Variants in LRP1B observed in about 807,000 individuals in gnomAD.
LRP1B encodes LDL receptor related protein 1B.
Under a neutral mutation model 556.6 loss-of-function variants are expected in LRP1B, and 217 were observed. The observed-to-expected ratio is 0.39, with a 90% CI of 0.35 to 0.44. LRP1B has a LOEUF of 0.44. LRP1B is among the 20% of genes least tolerant of loss of function. LRP1B has a pLI of 1.00. For missense variants in LRP1B, 5,053 were observed against 5,620.8 expected, an observed-to-expected ratio of 0.90 and a Z score of 3.23; for synonymous variants, 2,047 against 1,865.8, an observed-to-expected ratio of 1.10 and a Z score of -2.50.
At chr2:140,415,606 C>G (rs892177520) in intron 66 of LRP1B, among the ~76,000 whole-genome samples, 1 of 152,110 alleles carries the variant, frequency 6.6e-6, no homozygotes, top group Admixed American at 6.5e-5. Flanking sequence ...TGGGTTCCCC[C>G]AATATATGGG....
In LRP1B at chr2:141,049,077, T is replaced by C. The variant is rs1203157756; in HGVS notation, c.1698A>G (p.Glu566=). 6 of 1,613,650 alleles carry C rather than the reference T, an allele frequency of 3.7e-6. No homozygotes were observed. In the Admixed American group the frequency reaches 1.0e-4, roughly 27 times the overall value. The change falls in exon 11 of 91, where the codon GAA becomes GAG. Residue 566 remains glutamate (E), a synonymous_variant. Transcript: ENST00000389484. The part of the protein sequence containing the change: ...VNPRALDFHA[E]TNYIYFADTT... ...TGTCAGCAAAGTAGATGTAATTGGT[T>C]TCTGCGTGAAAGTCTAAAGCACGAG...
chr2:141,631,554 A>G (rs1425342806), intron 2 of LRP1B, among the ~76,000 whole-genome samples: 2 of 151,678 alleles, frequency 1.3e-5, no homozygotes, highest in Non-Finnish European at 2.9e-5. Flanking sequence ...AAAAAAAAAA[A>G]AAAAGGGGAA....
At chr2:141,410,246 G>A (rs1033543012) in intron 3 of LRP1B, among the ~76,000 whole-genome samples, 9 of 151,982 alleles carry the variant, frequency 5.9e-5, no homozygotes, top group Non-Finnish European at 1.3e-4. Context: ...CCATTGTAGG[G>A]CACAATCCTA....
intron 2 of LRP1B, among the ~76,000 whole-genome samples, chr2:141,686,473 A>G (rs1691307631): frequency 6.6e-6 from 1 of 151,962 alleles, no homozygotes; most frequent in African/African-American, 2.4e-5. Flanking sequence ...ATATATTATT[A>G]TAATTGTTTT....
intron 7 of LRP1B, among the ~76,000 whole-genome samples, chr2:141,173,280 C>G (rs1191053786): frequency 6.6e-6 from 1 of 152,066 alleles, no homozygotes; most frequent in African/African-American, 2.4e-5. Context: ...GCACATCCCA[C>G]AGCAAACATT....
chr2:141,721,065 G>C (rs374422332), intron 2 of LRP1B, among the ~76,000 whole-genome samples: 1 of 152,012 alleles, frequency 6.6e-6, no homozygotes, highest in African/African-American at 2.4e-5. Context: ...TGATAAAACT[G>C]TAACAAACCT....
chr2:141,422,322 AGAG>A (rs1276409526), intron 3 of LRP1B, among the ~76,000 whole-genome samples: 1 of 152,202 alleles, frequency 6.6e-6, no homozygotes, highest in African/African-American at 2.4e-5. Flanking sequence ...TGAATAAAGA[AGAG>A]GAGATGTAAA....
chr2:141,359,692 G>A (rs560347232), intron 3 of LRP1B, among the ~76,000 whole-genome samples: 2 of 152,302 alleles, frequency 1.3e-5, no homozygotes, highest in African/African-American at 4.8e-5. Flanking sequence ...GGCAGCAGAT[G>A]TGACAGTGGG....
rs1313378077 is a variant in LRP1B at position 140,464,205 on chromosome 2, A to G, written c.9626-6554T>C. On this transcript the variant is annotated intron_variant, in intron 60 of 90. Coordinates refer to ENST00000389484, the MANE Select transcript of LRP1B (RefSeq NM_018557.3). ...AGCAAGACTTGTCTCAAATAATAAT[A>G]ATAATAATAATAAATAAAATAAAAA... Among the ~76,000 whole-genome samples, 8 of 151,654 alleles carry G rather than the reference A, an allele frequency of 5.3e-5. 1 individual carries two copies. In the South Asian group the frequency reaches 1.0e-3, roughly 20 times the overall value.
intron 1 of LRP1B, among the ~76,000 whole-genome samples, chr2:142,005,608 A>G (rs1702776074): frequency 1.3e-5 from 2 of 152,214 alleles, no homozygotes; most frequent in Admixed American, 1.3e-4. Flanking sequence ...GTAATGATGA[A>G]TAAAAGAAAA....
At chr2:140,318,199 C>A (rs896414483) in intron 82 of LRP1B, among the ~76,000 whole-genome samples, 1 of 152,092 alleles carries the variant, frequency 6.6e-6, no homozygotes, top group South Asian at 2.1e-4. Flanking sequence ...CATTTATCTT[C>A]AGCAATCAAT....
chr2:140,920,069 G>C (rs1411182249), intron 21 of LRP1B, among the ~76,000 whole-genome samples: 1 of 152,080 alleles, frequency 6.6e-6, no homozygotes, highest in South Asian at 2.1e-4. Flanking sequence ...CAAGTAGCTG[G>C]AGGGCCTATT....
intron 1 of LRP1B, among the ~76,000 whole-genome samples, chr2:141,861,243 A>G (rs1366944487): frequency 6.6e-6 from 1 of 152,046 alleles, no homozygotes; most frequent in Non-Finnish European, 1.5e-5. Flanking sequence ...ATGTCCCCTC[A>G]ATCCTCTCTT....
chr2:141,712,371 C>A (rs894743313), intron 2 of LRP1B, among the ~76,000 whole-genome samples: 1 of 148,674 alleles, frequency 6.7e-6, no homozygotes, highest in Non-Finnish European at 1.5e-5. Flanking sequence ...AGAACTGAGA[C>A]CCTGTCTAAA....
intron 2 of LRP1B, among the ~76,000 whole-genome samples, chr2:141,707,665 G>A (rs778808715): frequency 3.3e-5 from 5 of 152,114 alleles, no homozygotes; most frequent in East Asian, 1.9e-4. Context: ...TGTCTGCCAC[G>A]TGTCAAGCAC....
intron 3 of LRP1B, among the ~76,000 whole-genome samples, chr2:141,329,486 T>C (rs746644150): frequency 1.3e-5 from 2 of 148,610 alleles, no homozygotes; most frequent in African/African-American, 2.5e-5. Flanking sequence ...CTACTAAAAA[T>C]ACGAAAAATT....
At chr2:140,852,535 A>C (rs949321697) in intron 27 of LRP1B, among the ~76,000 whole-genome samples, 3 of 152,196 alleles carry the variant, frequency 2.0e-5, no homozygotes, top group Non-Finnish European at 2.9e-5. Flanking sequence ...CTTCCCTAGG[A>C]AACTACTGGT....
intron 3 of LRP1B, among the ~76,000 whole-genome samples, chr2:141,353,621 G>A (rs1688521767): frequency 6.6e-6 from 1 of 151,942 alleles, no homozygotes; most frequent in African/African-American, 2.4e-5. Context: ...ACAAGCTTAT[G>A]GATGAGAAGT....
intron 27 of LRP1B, among the ~76,000 whole-genome samples, chr2:140,860,820 G>A (rs1174260518): frequency 2.0e-5 from 3 of 152,040 alleles, no homozygotes; most frequent in Non-Finnish European, 4.4e-5. Flanking sequence ...GCTGAGTGAG[G>A]ACACAGAGAA....
Sources: gnomAD v4.1 joint callset for allele counts (sites outside exome capture counted in the v4.1 genomes callset) on GRCh38, gnomAD v4.1.1 for gene constraint, MANE v1.5 for transcripts, NCBI Gene and HGNC (gene_info 2026-07-23, HGNC 2026-07-21) for gene names.